Variants in CFAP47 observed in about 807,000 individuals in gnomAD.
CFAP47 encodes cilia and flagella associated protein 47.
Under a neutral mutation model 148.1 loss-of-function variants are expected in CFAP47, and 29 were observed. The ratio of observed to expected loss-of-function variants is 0.20; its 90% confidence interval spans 0.15 to 0.27. The LOEUF (loss-of-function observed/expected upper bound fraction) is 0.27, where lower values mean the gene tolerates loss of function less well. Among genes scored for constraint, CFAP47 ranks in the 10% least tolerant of loss-of-function variants. CFAP47 has a pLI of 1.00. For missense variants in CFAP47, 1,872 were observed against 1,697.5 expected (o/e 1.10, Z -1.81); for synonymous variants, 664 against 577.3 (o/e 1.15, Z -2.15).
chrX:36,319,027 T>A (rs2146967026), intron 56 of CFAP47, among the ~76,000 whole-genome samples, 182 bp from the exon 57 acceptor site: 1 of 111,868 alleles, frequency 8.9e-6, no homozygotes, highest in Non-Finnish European at 1.9e-5. Context: ...ATAAAACCAT[T>A]TATATTATTA....
rs782312472 is a variant in CFAP47, at chrX:36,285,775, A to G, written c.7686+49A>G. The stretch of plus-strand genomic sequence containing the variant: ...AGACTCTGTCATTTTGTGAGCACTC[A>G]GACCTTTTGTTGTATAGTAAATTAT... On this transcript the variant is annotated intron_variant, in intron 51 of 63. Coordinates refer to ENST00000378653, the MANE Select transcript of CFAP47 (RefSeq NM_001304548.2). 7.2e-6 allele frequency: 7 copies of G among 976,122 alleles called. No individual in the cohort carries two copies. The East Asian group carries it at 2.1e-4, about 29-fold the overall frequency. The allele number at this position is 976,122 out of a possible 1,213,427, so 80.4% of individuals were successfully genotyped here. A position where few individuals can be genotyped will look rare whatever the true frequency, so the allele number is the denominator to read the frequency against.
At chrX:36,270,549 G>GTA (rs782687841) in intron 49 of CFAP47, among the ~76,000 whole-genome samples, 1,421 of 95,459 alleles carry the variant, frequency 0.015, 7 homozygotes, top group East Asian at 0.022. Flanking sequence ...TTTAAAATTT[G>GTA]TATATATATA....
In CFAP47 at chrX:35,975,293, G is replaced by A. The variant is rs140236570; in HGVS notation, c.2401G>A (p.Val801Met). 62 of 1,205,845 alleles carry A rather than the reference G, an allele frequency of 5.1e-5. No homozygotes were observed. Among genetic ancestry groups the A allele is most frequent in the Middle Eastern group, 2.3e-4 (1 of 4,356 alleles). The change falls in exon 14 of 64, where the codon GTG (valine) becomes ATG (methionine). Residue 801 changes from valine to methionine, a missense_variant. Transcript: ENST00000378653. Reference protein sequence around the residue: ...ELQKTNQFSYVILPTSSTYIS... With the variant: ...ELQKTNQFSYMILPTSSTYIS... ...TCAGAAGACCAACCAATTTTCATAC[G>A]TGATTCTACCTACATCCAGTACTTA...
intron 1 of CFAP47, among the ~76,000 whole-genome samples, chrX:35,924,460 G>T (rs111380214): frequency 0.34 from 34,185 of 100,785 alleles, 8,036 homozygotes; most frequent in African/African-American, 0.83. Context: ...TGTGTATATA[G>T]GTGCACCTAT....
chrX:35,998,707 A>G (rs1229541064), intron 19 of CFAP47, among the ~76,000 whole-genome samples: 1 of 111,599 alleles, frequency 9.0e-6, no homozygotes, highest in Non-Finnish European at 1.9e-5. Context: ...TGAAGGCATA[A>G]GTCCAGGTAG....
chrX:36,306,028 G>A (rs782392107), intron 54 of CFAP47, among the ~76,000 whole-genome samples: 2 of 112,206 alleles, frequency 1.8e-5, no homozygotes, highest in Non-Finnish European at 3.8e-5. Flanking sequence ...CTGCTTAATT[G>A]TAATTTTGCC....
chrX:36,005,148 T>C (rs1485315474), intron 21 of CFAP47, among the ~76,000 whole-genome samples: 2 of 111,359 alleles, frequency 1.8e-5, no homozygotes, highest in African/African-American at 6.5e-5. Flanking sequence ...AAGATCCAAC[T>C]TTTGGTATTT....
At chrX:36,378,023 G>C (rs191991136) in intron 62 of CFAP47, among the ~76,000 whole-genome samples, 1 of 112,005 alleles carries the variant, frequency 8.9e-6, no homozygotes, top group East Asian at 2.8e-4. Flanking sequence ...GAATAGATCA[G>C]TGAGTTCCAG....
intron 25 of CFAP47, among the ~76,000 whole-genome samples, chrX:36,042,536 TAAC>T (rs1405145009): frequency 9.1e-6 from 1 of 110,280 alleles, no homozygotes. Context: ...CTACTTATAA[TAAC>T]ATCAAAAATT....
chrX:36,078,479 A>C (rs181196778), intron 29 of CFAP47, among the ~76,000 whole-genome samples: 9 of 109,776 alleles, frequency 8.2e-5, no homozygotes, highest in African/African-American at 3.0e-4. Context: ...GTCTCGTTTG[A>C]TCTTTGTTGG....
chrX:35,960,388 A>G (rs1347701546), intron 8 of CFAP47, among the ~76,000 whole-genome samples: 46 of 99,627 alleles, frequency 4.6e-4, no homozygotes, highest in African/African-American at 1.7e-3. Flanking sequence ...CTGAAAAAAA[A>G]AAAAAAAAAA....
At chrX:36,289,937 G>A (rs1341205869) in intron 51 of CFAP47, among the ~76,000 whole-genome samples, 1 of 110,370 alleles carries the variant, frequency 9.1e-6, no homozygotes, top group Non-Finnish European at 1.9e-5. Context: ...TGTGGGGGAG[G>A]GTCTGCTGTC....
At chrX:36,116,882 C>G (rs1230113795) in intron 33 of CFAP47, among the ~76,000 whole-genome samples, 1 of 111,201 alleles carries the variant, frequency 9.0e-6, no homozygotes, top group African/African-American at 3.3e-5. Flanking sequence ...ATTAACACTC[C>G]CCACTTCCCT....
At chrX:36,330,973 A>G (rs1941560245) in intron 57 of CFAP47, among the ~76,000 whole-genome samples, 1 of 111,555 alleles carries the variant, frequency 9.0e-6, no homozygotes, top group Non-Finnish European at 1.9e-5. Flanking sequence ...ATCAATATAT[A>G]TAAATAAACA....
chrX:36,260,321 G>A (rs1297509702), intron 49 of CFAP47, among the ~76,000 whole-genome samples: 1 of 112,106 alleles, frequency 8.9e-6, no homozygotes, highest in Non-Finnish European at 1.9e-5. Flanking sequence ...CACAGTGGCT[G>A]AACTAACTTA....
chrX:36,144,827 T>G (rs1939206888), intron 35 of CFAP47: 2 of 1,019,465 alleles, frequency 2.0e-6, no homozygotes, highest in Non-Finnish European at 2.6e-6. Flanking sequence ...TTTTTCAGCC[T>G]TTGGACTCTA....
intron 26 of CFAP47, among the ~76,000 whole-genome samples, chrX:36,054,852 A>G (rs1937541212): frequency 9.1e-6 from 1 of 110,159 alleles, no homozygotes; most frequent in South Asian, 3.9e-4. Context: ...GGCTCACTGC[A>G]AGTTCCGCCT....
chrX:35,924,326 T>C (rs1048644700), intron 1 of CFAP47, among the ~76,000 whole-genome samples: 4 of 106,723 alleles, frequency 3.7e-5, no homozygotes, highest in African/African-American at 1.4e-4. Context: ...CATGTATGTG[T>C]ATATGTGTAC....
At chrX:36,208,701 C>T (rs375499201) in intron 45 of CFAP47, among the ~76,000 whole-genome samples, 4 of 111,880 alleles carry the variant, frequency 3.6e-5, no homozygotes, top group Non-Finnish European at 5.6e-5. Context: ...TGCGGTGGCT[C>T]ATGCCTGTAA....
Sources: allele counts gnomAD v4.1 joint callset (sites outside exome capture counted in the v4.1 genomes callset), GRCh38; gene constraint gnomAD v4.1.1; transcripts MANE v1.5; gene names NCBI Gene and HGNC (gene_info 2026-07-23, HGNC 2026-07-21).